EYA2: variants seen among roughly 807,000 people sequenced by gnomAD.
EYA2 encodes protein phosphatase EYA2.
Under a neutral mutation model 69.2 loss-of-function variants are expected in EYA2, and 31 were observed. The ratio of observed to expected loss-of-function variants is 0.45; its 90% confidence interval spans 0.34 to 0.60. EYA2 has a LOEUF of 0.60. EYA2 is among the 20% of genes least tolerant of loss of function. EYA2 has a pLI of 0.02. For missense variants in EYA2, 622 were observed against 701.2 expected, an observed-to-expected ratio of 0.89 and a Z score of 1.28; for synonymous variants, 257 against 279.4, an observed-to-expected ratio of 0.92 and a Z score of 0.80.
chr20:47,024,157 CAT>C lies in EYA2; in HGVS notation c.415+7862_415+7863del, dbSNP rs1377238573. ...TGATAAGTTTCAATTGGATGCCAAA[CAT>C]AAATTTTACCTTGTCAGATGCTGGA... On this transcript the variant is annotated intron_variant, in intron 5 of 15. Transcript: ENST00000327619. Among the ~76,000 whole-genome samples the C allele has an allele frequency of 2.6e-5, 4 of 152,306 alleles. No homozygotes were observed. The South Asian group carries it at 6.2e-4, about 24-fold the overall frequency.
chr20:47,183,739 C>A (rs1290199511), intron 15 of EYA2, among the ~76,000 whole-genome samples: 1 of 152,134 alleles, frequency 6.6e-6, no homozygotes, highest in Non-Finnish European at 1.5e-5. Flanking sequence ...TCCAGCAACC[C>A]TTCCCAGTTA....
chr20:47,002,682 C>T (rs1982455504), intron 3 of EYA2, among the ~76,000 whole-genome samples: 1 of 152,168 alleles, frequency 6.6e-6, no homozygotes, highest in African/African-American at 2.4e-5. Flanking sequence ...TGCATGCATC[C>T]TTTCTTCCTC....
At chr20:46,938,446 G>T (rs924893301) in intron 1 of EYA2, among the ~76,000 whole-genome samples, 4 of 152,222 alleles carry the variant, frequency 2.6e-5, no homozygotes, top group Non-Finnish European at 5.9e-5. Flanking sequence ...GAATCTGGGA[G>T]CAGCTGAGCT....
At chr20:47,087,245 GA>G (rs1210868777) in intron 7 of EYA2, among the ~76,000 whole-genome samples, 1 of 152,086 alleles carries the variant, frequency 6.6e-6, no homozygotes, top group South Asian at 2.1e-4. Flanking sequence ...TTTCAGTGTA[GA>G]AAAAAACTCT....
chr20:47,140,276 C>T (rs971310863), intron 9 of EYA2, among the ~76,000 whole-genome samples: 2 of 152,126 alleles, frequency 1.3e-5, no homozygotes, highest in Non-Finnish European at 2.9e-5. Context: ...CTTCATTTTT[C>T]ACTGAGTACC....
chr20:46,925,966 A>C (rs967219709), intron 1 of EYA2, among the ~76,000 whole-genome samples: 5 of 152,212 alleles, frequency 3.3e-5, no homozygotes, highest in African/African-American at 2.4e-5. Flanking sequence ...GCAATGGAAA[A>C]TTATGCAGCT....
chr20:47,167,758 G>A (rs925113153), intron 10 of EYA2, among the ~76,000 whole-genome samples: 1 of 152,042 alleles, frequency 6.6e-6, no homozygotes, highest in African/African-American at 2.4e-5. Flanking sequence ...CACCCCGACA[G>A]CCAAGGAAAA....
chr20:47,135,844 AAC>A (rs1568800666), intron 9 of EYA2, among the ~76,000 whole-genome samples: 2 of 75,816 alleles, frequency 2.6e-5, no homozygotes, highest in South Asian at 3.5e-4. Context: ...AAAAAAAACA[AAC>A]AAACAAACAA....
At chr20:47,007,246 T>C (rs1328648211) in intron 4 of EYA2, among the ~76,000 whole-genome samples, 1 of 152,210 alleles carries the variant, frequency 6.6e-6, no homozygotes, top group African/African-American at 2.4e-5. Context: ...TTTTTAAATC[T>C]GTATGTGTAA....
intron 5 of EYA2, among the ~76,000 whole-genome samples, chr20:47,032,291 C>T (rs1405480708): frequency 2.6e-5 from 4 of 152,186 alleles, no homozygotes; most frequent in Non-Finnish European, 5.9e-5. Flanking sequence ...CAGGGAATTC[C>T]TGATTTTTGT....
intron 1 of EYA2, among the ~76,000 whole-genome samples, chr20:46,929,152 CAAAA>C (rs11329475): frequency 1.0e-4 from 10 of 98,296 alleles, no homozygotes; most frequent in South Asian, 3.4e-4. Flanking sequence ...ATAAGTTGTG[CAAAA>C]AAAAAAAAAA....
intron 5 of EYA2, among the ~76,000 whole-genome samples, chr20:47,047,053 T>C (rs2030075920): frequency 6.6e-6 from 1 of 152,218 alleles, no homozygotes. Context: ...CTAAAATGTA[T>C]CGTGTACATT....
chr20:46,906,111 GAT>G (rs1250953594), intron 1 of EYA2, among the ~76,000 whole-genome samples: 6 of 152,022 alleles, frequency 3.9e-5, no homozygotes, highest in African/African-American at 1.5e-4. Context: ...ATTTGGAAAA[GAT>G]ATAAAAAGCA....
chr20:46,995,745 T>G (rs1981977869), intron 2 of EYA2, among the ~76,000 whole-genome samples: 1 of 152,210 alleles, frequency 6.6e-6, no homozygotes, highest in Non-Finnish European at 1.5e-5. Flanking sequence ...ATCATTAGCT[T>G]CTTAATCCTC....
intron 1 of EYA2, among the ~76,000 whole-genome samples, chr20:46,897,188 C>T (rs1983855424): frequency 6.6e-6 from 1 of 152,060 alleles, no homozygotes; most frequent in Non-Finnish European, 1.5e-5. Context: ...CTTTAAATTG[C>T]GTGTAAGAGA....
chr20:47,188,503 A>G lies in EYA2; in HGVS notation c.*370A>G. The G allele has an allele frequency of 2.0e-6, 1 of 501,008 alleles. No homozygotes were observed. Among genetic ancestry groups the G allele is most frequent in the Admixed American group, 3.4e-5 (1 of 29,690 alleles). 31.0% of individuals were successfully genotyped at this position (501,008 alleles called of 1,614,324 possible). ...TTATGGACTAGTCTCATTACTCCGG[A>G]ATTATGCTCTTGTACCTGTGTGGCT... On this transcript the variant is annotated 3_prime_UTR_variant, in exon 16 of 16. Coordinates refer to ENST00000327619, the MANE Select transcript of EYA2 (RefSeq NM_005244.5).
At chr20:47,098,974 C>T (rs2032344924) in intron 9 of EYA2, among the ~76,000 whole-genome samples, 1 of 152,184 alleles carries the variant, frequency 6.6e-6, no homozygotes, top group Non-Finnish European at 1.5e-5. Context: ...GGGTTTCTCC[C>T]AGAAGATCCT....
chr20:47,156,079 T>C (rs1449836547), intron 10 of EYA2, among the ~76,000 whole-genome samples: 13 of 37,370 alleles, frequency 3.5e-4, no homozygotes, highest in African/African-American at 9.6e-4. Flanking sequence ...CACACACACA[T>C]ATATATACAT....
chr20:47,039,835 C>CTTTTTTTTTTTTT lies in EYA2; in HGVS notation c.415+23549_415+23561dup, dbSNP rs10689930. Among the ~76,000 whole-genome samples, 44 of 69,804 alleles carry CTTTTTTTTTTTTT rather than the reference C, an allele frequency of 6.3e-4. 8 individuals carry two copies. Among genetic ancestry groups the CTTTTTTTTTTTTT allele is most frequent in the Admixed American group, 9.5e-4 (4 of 4,190 alleles). 45.8% of individuals were successfully genotyped at this position (69,804 alleles called of 152,430 possible). ...ATAGGGTCATTGTGAAGATCAAATA[C>CTTTTTTTTTTTTT]TTTTTTTTTTTTTTTTTTTTTTTGA... On this transcript the variant is annotated intron_variant, in intron 5 of 15. Transcript: ENST00000327619.
Sources: allele counts gnomAD v4.1 joint callset (sites outside exome capture counted in the v4.1 genomes callset), GRCh38; gene constraint gnomAD v4.1.1; transcripts MANE v1.5; gene names NCBI Gene and HGNC (gene_info 2026-07-23, HGNC 2026-07-21).